ADGRL3: variants seen among roughly 807,000 people sequenced by gnomAD.
The protein encoded by ADGRL3 is calcium-independent alpha-latrotoxin receptor 3.
A neutral mutation model predicts 153.5 loss-of-function variants in ADGRL3; 62 were observed. The observed-to-expected ratio is 0.40, with a 90% confidence interval of 0.33 to 0.50. The LOEUF (loss-of-function observed/expected upper bound fraction) is 0.50. Ranked by LOEUF, ADGRL3 falls within the 20% of genes least tolerant of loss-of-function variation. ADGRL3 has a pLI of 0.47. For missense variants in ADGRL3, 1,641 were observed against 1,859.4 expected (o/e 0.88, Z 2.16); for synonymous variants, 710 against 672.5 (o/e 1.06, Z -0.86).
intron 2 of ADGRL3, among the ~76,000 whole-genome samples, chr4:61,393,829 T>G (rs2096840193): frequency 6.6e-6 from 1 of 152,134 alleles, no homozygotes; most frequent in Admixed American, 6.5e-5. Flanking sequence ...ATAAATCATT[T>G]ATTTAGTACA....
chr4:61,502,339 A>G (rs1368842127), intron 3 of ADGRL3, among the ~76,000 whole-genome samples: 2 of 152,130 alleles, frequency 1.3e-5, no homozygotes, highest in African/African-American at 4.8e-5. Flanking sequence ...CTCACTTGTA[A>G]AAACTGAATC....
At chr4:61,822,269 A>T (rs182936497) in intron 9 of ADGRL3, among the ~76,000 whole-genome samples, 84 of 152,312 alleles carry the variant, frequency 5.5e-4, no homozygotes, top group Non-Finnish European at 9.6e-4. Context: ...AACACCTAGA[A>T]GATACAGGCA....
intron 4 of ADGRL3, among the ~76,000 whole-genome samples, chr4:61,582,676 G>C (rs920637945): frequency 5.3e-5 from 8 of 151,558 alleles, no homozygotes; most frequent in African/African-American, 1.9e-4. Context: ...GGACATTGAA[G>C]ACTTGGCCCA....
At chr4:61,632,289 C>CTA (rs145257061) in intron 5 of ADGRL3, among the ~76,000 whole-genome samples, 3 of 151,890 alleles carry the variant, frequency 2.0e-5, no homozygotes, top group East Asian at 1.9e-4. Context: ...AAATAAATGT[C>CTA]TATATATATA....
chr4:61,758,086 A>C (rs911256409), intron 8 of ADGRL3, among the ~76,000 whole-genome samples: 4 of 152,180 alleles, frequency 2.6e-5, no homozygotes, highest in Admixed American at 1.3e-4. Flanking sequence ...GCACAGAAGA[A>C]TGTATATTCT....
At chr4:61,761,376 G>C (rs2096910266) in intron 8 of ADGRL3, among the ~76,000 whole-genome samples, 1 of 152,188 alleles carries the variant, frequency 6.6e-6, no homozygotes, top group South Asian at 2.1e-4. Context: ...AGGACAGTTT[G>C]GAGGTTAGAA....
intron 3 of ADGRL3, among the ~76,000 whole-genome samples, chr4:61,501,970 T>G (rs1471564303): frequency 6.6e-6 from 1 of 152,178 alleles, no homozygotes; most frequent in Admixed American, 6.5e-5. Flanking sequence ...CATAATATCC[T>G]TATCTATAAT....
chr4:62,007,457 C>G (rs1463580222), intron 21 of ADGRL3, among the ~76,000 whole-genome samples: 1 of 103,734 alleles, frequency 9.6e-6, no homozygotes, highest in African/African-American at 4.0e-5. Context: ...CATATATATA[C>G]ATATATGTGT....
At chr4:61,603,109 G>A (rs542003761) in intron 5 of ADGRL3, among the ~76,000 whole-genome samples, 1 of 152,118 alleles carries the variant, frequency 6.6e-6, no homozygotes, top group Non-Finnish European at 1.5e-5. Flanking sequence ...TTGTCTCACG[G>A]TGACATTTCA....
At chr4:61,370,509 G>A (rs2096498937) in intron 1 of ADGRL3, among the ~76,000 whole-genome samples, 1 of 152,056 alleles carries the variant, frequency 6.6e-6, no homozygotes, top group African/African-American at 2.4e-5. Context: ...TTCAGGAGCA[G>A]GTTGTTCAGT....
chr4:61,401,216 C>G (rs1204878154), intron 2 of ADGRL3, among the ~76,000 whole-genome samples: 1 of 151,674 alleles, frequency 6.6e-6, no homozygotes. Context: ...TCACATAAAA[C>G]AACGTAAGCA....
At chr4:61,482,333 A>G (rs1223147761) in intron 2 of ADGRL3, among the ~76,000 whole-genome samples, 2 of 152,222 alleles carry the variant, frequency 1.3e-5, no homozygotes, top group Admixed American at 1.3e-4. Context: ...TATTAGCTTT[A>G]AAGTATTCAG....
intron 17 of ADGRL3, among the ~76,000 whole-genome samples, chr4:61,964,802 C>G (rs1161836803): frequency 6.6e-6 from 1 of 151,670 alleles, no homozygotes; most frequent in Non-Finnish European, 1.5e-5. Flanking sequence ...TTTATTCATG[C>G]TTAAGAAAGC....
intron 1 of ADGRL3, among the ~76,000 whole-genome samples, chr4:61,373,118 G>A (rs112633942): frequency 2.8e-4 from 43 of 152,146 alleles, no homozygotes; most frequent in African/African-American, 7.2e-4. Context: ...ACTGACCTGC[G>A]CCCACTGTCT....
At chr4:61,641,246 T>C (rs1251309852) in intron 5 of ADGRL3, among the ~76,000 whole-genome samples, 2 of 149,254 alleles carry the variant, frequency 1.3e-5, no homozygotes, top group Admixed American at 6.8e-5. Flanking sequence ...GCTTGTTATG[T>C]AGTAAATAAA....
At chr4:61,214,351 C>T (rs576410041) in intron 1 of ADGRL3, among the ~76,000 whole-genome samples, 49 of 152,266 alleles carry the variant, frequency 3.2e-4, no homozygotes, top group African/African-American at 9.1e-4. Context: ...TGCTCTTGAA[C>T]GGACCTCGTA....
Position 62,070,679 on chromosome 4 carries a change from T to A in ADGRL3, c.4403T>A (p.Val1468Asp), listed in dbSNP as rs1426054147. The change falls in exon 27 of 27, where the codon GTT becomes GAT. Residue 1468 changes from valine to aspartate, a missense_variant. Physicochemically the swap from Val to Asp is radical, Grantham distance 152. Coordinates refer to ENST00000683033, the MANE Select transcript of ADGRL3 (RefSeq NM_001387552.1). Reference protein sequence around the residue: ...TLAGVAATESVTTSTQTEPPP... With the variant: ...TLAGVAATESDTTSTQTEPPP... ...GCTGGTGTGGCCGCCACAGAGAGTG[T>A]TACCACCAGCACCCAGACCGAACCC... 6.4e-7 allele frequency: 1 copy of A among 1,551,174 alleles called. No homozygotes were observed. The highest frequency in any genetic ancestry group is 8.7e-7 in the Non-Finnish European group (1 of 1,146,896).
intron 1 of ADGRL3, among the ~76,000 whole-genome samples, chr4:61,255,804 G>A (rs1291750705): frequency 6.6e-6 from 1 of 152,084 alleles, no homozygotes; most frequent in African/African-American, 2.4e-5. Context: ...GTTAGTGTAG[G>A]CAGGGTCCAA....
intron 16 of ADGRL3, among the ~76,000 whole-genome samples, chr4:61,947,856 A>C (rs1363319008): frequency 2.6e-5 from 4 of 152,202 alleles, no homozygotes; most frequent in African/African-American, 9.6e-5. Context: ...AAACATTGGT[A>C]CTAGTATATT....
Sources: gnomAD v4.1 joint callset for allele counts (sites outside exome capture counted in the v4.1 genomes callset) on GRCh38, gnomAD v4.1.1 for gene constraint, MANE v1.5 for transcripts, NCBI Gene and HGNC (gene_info 2026-07-23, HGNC 2026-07-21) for gene names.